NUP37: variants seen among roughly 807,000 people sequenced by gnomAD.
The protein encoded by NUP37 is nucleoporin Nup37.
NUP37 carries 33 observed loss-of-function variants against 45.4 expected under a neutral mutation model. The ratio of observed to expected loss-of-function variants is 0.73; its 90% CI spans 0.55 to 0.97. The LOEUF is 0.97. NUP37 is among the 50% of genes least tolerant of loss of function. The pLI, the probability that NUP37 is intolerant of heterozygous loss-of-function variation, is 0.00. For missense variants in NUP37, 365 were observed against 389.7 expected (o/e 0.94, Z 0.53); for synonymous variants, 127 against 130.7 (o/e 0.97, Z 0.19).
At chr12:102,077,123 C>A (rs892417508) in intron 7 of NUP37, 199 bp downstream of exon 7, 3 of 635,886 alleles carry the variant, frequency 4.7e-6, no homozygotes, top group Non-Finnish European at 8.2e-6. Flanking sequence ...TTTGCACTGT[C>A]CTTTCTGGGT....
At chr12:102,114,696 T>C (rs2136757140) in intron 2 of NUP37, among the ~76,000 whole-genome samples, 1 of 152,268 alleles carries the variant, frequency 6.6e-6, no homozygotes. Context: ...TAGTCAAGAC[T>C]GTGAAGTTTC....
rs2136769292 is a variant in NUP37, at chr12:102,118,665, T to C, written c.-65-82A>G. On this transcript the variant is annotated intron_variant, in intron 1 of 9. Transcript: ENST00000552283. ...ATGCATCAAAATAAGGTTGTGGTGT[T>C]ACAATGAGACAGAAAGCTCAAAAGA... 7 of 639,728 alleles carry C rather than the reference T, an allele frequency of 1.1e-5. No homozygotes were observed. The South Asian group carries it at 1.4e-4, about 13-fold the overall frequency. 39.6% of individuals were successfully genotyped at this position (639,728 alleles called of 1,614,324 possible).
chr12:102,076,950 G>T, intron 7 of NUP37, 103 bp from the exon 8 acceptor site: 1 of 781,528 alleles, frequency 1.3e-6, no homozygotes, highest in Non-Finnish European at 2.1e-6. Flanking sequence ...AATGTCCAAT[G>T]TGTTTAAACT....
chr12:102,082,544 C>T (rs1467210361), intron 6 of NUP37, among the ~76,000 whole-genome samples: 3 of 152,186 alleles, frequency 2.0e-5, no homozygotes, highest in Non-Finnish European at 2.9e-5. Flanking sequence ...CACGTTAGCA[C>T]ATTTAATCTT....
intron 4 of NUP37, among the ~76,000 whole-genome samples, chr12:102,099,438 T>C (rs567906279): frequency 1.3e-5 from 2 of 150,802 alleles, no homozygotes; most frequent in African/African-American, 2.4e-5. Flanking sequence ...TCTTTTCTAG[T>C]ATGCATTTCT....
intron 5 of NUP37, among the ~76,000 whole-genome samples, chr12:102,096,240 T>C (rs1389277824): frequency 6.6e-6 from 1 of 152,158 alleles, no homozygotes; most frequent in Non-Finnish European, 1.5e-5. Flanking sequence ...AAAGACCAAC[T>C]TTAATGAGAA....
rs767465099 is a variant in NUP37, at chr12:102,101,091, C to A, written c.295G>T (p.Ala99Ser). The A allele has an allele frequency of 2.9e-5, 45 of 1,563,728 alleles. No homozygotes were observed. The highest frequency in any genetic ancestry group is 3.8e-5 in the Non-Finnish European group (44 of 1,153,078). ...AATAATCTAATTTTCATATCAGCAG[C>A]TGAAGTACAAAATCTGGAAGCAAAA... is the stretch of plus-strand genomic sequence containing the variant. ...LPPVIKFCTS[A>S]ADMKIRLFTS... Residue 99 changes from alanine (A) to serine (S), a missense_variant, in exon 4 of 10, where the codon GCT becomes TCT. Coordinates refer to ENST00000552283, the MANE Select transcript of NUP37 (RefSeq NM_024057.4).
chr12:102,108,863 T>A (rs1880232907), intron 3 of NUP37, among the ~76,000 whole-genome samples: 1 of 152,146 alleles, frequency 6.6e-6, no homozygotes, highest in African/African-American at 2.4e-5. Context: ...CAAAATGTCA[T>A]CTCTAAAACA....
At chr12:102,088,703 A>ATTTTTTTTTTTTTTTTTTTTTTTTTTTAT (rs768691385) in intron 5 of NUP37, among the ~76,000 whole-genome samples, 2 of 109,024 alleles carry the variant, frequency 1.8e-5, no homozygotes, top group Non-Finnish European at 4.0e-5. Flanking sequence ...TTTTGTTTTA[A>ATTTTTTTTTTTTTTTTTTTTTTTTTTTAT]TTTTTTTTTT....
Position 102,076,838 on chromosome 12 carries a change from T to G in NUP37, c.732A>C (p.Gln244His), listed in dbSNP as rs186470108. The G allele has an allele frequency of 6.2e-7, 1 of 1,612,428 alleles. No individual in the cohort carries two copies. The highest frequency in any genetic ancestry group is 8.5e-7 in the Non-Finnish European group (1 of 1,178,912). Residue 244 changes from glutamine to histidine, a missense_variant, in exon 8 of 10, where the codon CAA (glutamine) becomes CAC (histidine). Gln to His is a conservative substitution (Grantham distance 24). Coordinates refer to ENST00000552283, the MANE Select transcript of NUP37 (RefSeq NM_024057.4). ...IWDITRSSYP[Q>H]NKRPVHMDRA... Reference sequence around the variant, plus strand: ...GATCCATGTGAACAGGTCTCTTATTTTGAGGATAACTAAAAGATAATATTT... The same window carrying G: ...GATCCATGTGAACAGGTCTCTTATTGTGAGGATAACTAAAAGATAATATTT...
At chr12:102,105,303 C>A (rs993816049) in intron 3 of NUP37, among the ~76,000 whole-genome samples, 1 of 151,474 alleles carries the variant, frequency 6.6e-6, no homozygotes, top group Non-Finnish European at 1.5e-5. Context: ...AATGGGCAGA[C>A]TACTTGAGCC....
At chr12:102,108,793 T>C (rs908943835) in intron 3 of NUP37, among the ~76,000 whole-genome samples, 10 of 152,212 alleles carry the variant, frequency 6.6e-5, no homozygotes, top group African/African-American at 1.9e-4. Context: ...ATATCACTCA[T>C]GTTGAGGGTC....
intron 8 of NUP37, 23 bp downstream of exon 8, chr12:102,076,774 C>G: frequency 6.2e-7 from 1 of 1,608,676 alleles, no homozygotes; most frequent in Admixed American, 1.7e-5. Flanking sequence ...CAAATCACAG[C>G]TCCAACAAAA....
chr12:102,074,433 C>T lies in NUP37; in HGVS notation c.902G>A (p.Gly301Glu). Residue 301 changes from glycine to glutamate, a missense_variant, in exon 10 of 10, where the codon GGA (glycine) becomes GAA (glutamate). Physicochemically the swap from Gly to Glu is moderately conservative, Grantham distance 98. Transcript: ENST00000552283. ...ILMGSVAVGS[G>E]LSWHRTLPLC... Reference sequence around the variant, plus strand: ...AGGGAGAGTTCGATGCCAGGACAGTCCAGATCCAACGGCTACAGAACCCAT... The same window carrying T: ...AGGGAGAGTTCGATGCCAGGACAGTTCAGATCCAACGGCTACAGAACCCAT... The T allele has an allele frequency of 6.2e-7, 1 of 1,611,296 alleles. No homozygotes were observed. The highest frequency in any genetic ancestry group is 8.5e-7 in the Non-Finnish European group (1 of 1,178,342).
intron 3 of NUP37, among the ~76,000 whole-genome samples, chr12:102,110,618 G>A (rs944480420): frequency 6.6e-6 from 1 of 152,154 alleles, no homozygotes; most frequent in Non-Finnish European, 1.5e-5. Flanking sequence ...CAAGGCACAT[G>A]GATTGCCTGA....
chr12:102,103,099 AT>A (rs1565834770), intron 3 of NUP37, among the ~76,000 whole-genome samples: 1 of 152,134 alleles, frequency 6.6e-6, no homozygotes, highest in Non-Finnish European at 1.5e-5. Flanking sequence ...TTTCATATAA[AT>A]TTTTTAATTG....
intron 3 of NUP37, among the ~76,000 whole-genome samples, chr12:102,104,188 G>C (rs948612086): frequency 6.6e-6 from 1 of 151,886 alleles, no homozygotes; most frequent in African/African-American, 2.4e-5. Context: ...CCTCTCATGT[G>C]GTTTTGATTT....
At chr12:102,098,063 G>C (rs1258727308) in intron 5 of NUP37, among the ~76,000 whole-genome samples, 1 of 152,176 alleles carries the variant, frequency 6.6e-6, no homozygotes, top group African/African-American at 2.4e-5. Flanking sequence ...TTTTGGCATA[G>C]TTTTATGAAA....
At chr12:102,099,411 A>G (rs548539464) in intron 4 of NUP37, among the ~76,000 whole-genome samples, 23 of 152,214 alleles carry the variant, frequency 1.5e-4, no homozygotes, top group African/African-American at 4.1e-4. Flanking sequence ...CATTCAACAC[A>G]CTATTAGCTT....
Sources: gnomAD v4.1 joint callset for allele counts (sites outside exome capture counted in the v4.1 genomes callset) on GRCh38, gnomAD v4.1.1 for gene constraint, MANE v1.5 for transcripts, NCBI Gene and HGNC (gene_info 2026-07-23, HGNC 2026-07-21) for gene names.